Variants in TMEM117 observed in about 807,000 individuals in gnomAD.
TMEM117 encodes the protein transmembrane protein 117.
Under a neutral mutation model 52.4 loss-of-function variants are expected in TMEM117, and 27 were observed. That is an observed-to-expected ratio of 0.51 (90% CI 0.38 to 0.71). The LOEUF (loss-of-function observed/expected upper bound fraction) is 0.71. Ranked by LOEUF, TMEM117 falls within the 30% of genes least tolerant of loss-of-function variation. The pLI, the probability that TMEM117 is intolerant of heterozygous loss-of-function variation, is 0.00. For synonymous variants in TMEM117, 215 were observed against 206.3 expected, an observed-to-expected ratio of 1.04 and a Z score of -0.36; for missense variants, 556 against 630.5, an observed-to-expected ratio of 0.88 and a Z score of 1.26.
At chr12:44,197,548 C>T (rs977345507) in intron 4 of TMEM117, among the ~76,000 whole-genome samples, 1 of 152,084 alleles carries the variant, frequency 6.6e-6, no homozygotes, top group Non-Finnish European at 1.5e-5. Flanking sequence ...GCTTCTTGCT[C>T]AGCAAAACCA....
chr12:43,905,818 T>A lies in TMEM117; in HGVS notation c.278-38392T>A, dbSNP rs752500220. Among the ~76,000 whole-genome samples, 154 of 152,346 alleles carry A rather than the reference T, an allele frequency of 1.0e-3. 1 individual carries two copies. Among genetic ancestry groups the A allele is most frequent in the Non-Finnish European group, 2.0e-3 (139 of 68,036 alleles). On this transcript the variant is annotated intron_variant, in intron 2 of 7. Coordinates refer to ENST00000266534, the MANE Select transcript of TMEM117 (RefSeq NM_032256.3). ...ATCCTTATTTTCTGTTTCCTCCGTG[T>A]TGTGATCCTGTGCTCCCAAATCCCC...
rs576297784 is a variant in TMEM117, at chr12:44,002,912, A to G, written c.410+58570A>G. ...GCTCCCTCCTTTAGGTTCCTCCCCA[A>G]CATGGTCATCACCATGCCCACCTAC... On this transcript the variant is annotated intron_variant, in intron 3 of 7. Transcript: ENST00000266534. 2.6e-4 allele frequency among the ~76,000 whole-genome samples: 40 copies of G among 152,238 alleles called. 1 individual carries two copies. The South Asian group carries it at 8.3e-3, about 32-fold the overall frequency.
intron 3 of TMEM117, among the ~76,000 whole-genome samples, chr12:44,000,996 C>G (rs1565787229): frequency 6.6e-6 from 1 of 152,122 alleles, no homozygotes. Flanking sequence ...TGCAAGGGCC[C>G]AGAAAAGCAG....
chr12:44,241,412 G>A (rs912086913), intron 5 of TMEM117, among the ~76,000 whole-genome samples: 1 of 151,412 alleles, frequency 6.6e-6, no homozygotes, highest in East Asian at 1.9e-4. Flanking sequence ...ATTCCTTGTT[G>A]TTTTAATTTG....
chr12:44,343,700 G>T (rs1951447143), intron 6 of TMEM117, among the ~76,000 whole-genome samples: 1 of 152,122 alleles, frequency 6.6e-6, no homozygotes, highest in Admixed American at 6.6e-5. Flanking sequence ...ACTTAAAAAT[G>T]ATTAAGATGG....
intron 6 of TMEM117, among the ~76,000 whole-genome samples, chr12:44,365,752 T>G (rs1284813584): frequency 6.7e-6 from 1 of 149,268 alleles, no homozygotes; most frequent in Non-Finnish European, 1.5e-5. Context: ...GGATTTTCTT[T>G]TATTATTATT....
intron 6 of TMEM117, among the ~76,000 whole-genome samples, chr12:44,366,666 C>G (rs1276569036): frequency 6.6e-6 from 1 of 152,060 alleles, no homozygotes; most frequent in African/African-American, 2.4e-5. Flanking sequence ...GTTTTACTTT[C>G]TGTTACATAT....
intron 4 of TMEM117, among the ~76,000 whole-genome samples, chr12:44,177,671 T>G (rs1288285695): frequency 1.3e-5 from 2 of 152,194 alleles, no homozygotes; most frequent in Non-Finnish European, 2.9e-5. Flanking sequence ...TATAAAGTGG[T>G]TACTGATTTG....
At chr12:44,069,980 C>G (rs1947277150) in intron 3 of TMEM117, among the ~76,000 whole-genome samples, 1 of 152,162 alleles carries the variant, frequency 6.6e-6, no homozygotes, top group African/African-American at 2.4e-5. Flanking sequence ...ACCTCTGCCT[C>G]CCAGGCTCAA....
At chr12:43,976,327 T>G (rs559743372) in intron 3 of TMEM117, among the ~76,000 whole-genome samples, 1 of 152,242 alleles carries the variant, frequency 6.6e-6, no homozygotes, top group African/African-American at 2.4e-5. Context: ...ATGAAAGGAT[T>G]TCTCAGACAC....
intron 3 of TMEM117, among the ~76,000 whole-genome samples, chr12:43,969,428 CAGAGAA>C (rs1945542863): frequency 6.7e-6 from 1 of 149,680 alleles, no homozygotes; most frequent in Admixed American, 6.7e-5. Context: ...AAAGCTAAGG[CAGAGAA>C]TTGCTTGAAC....
chr12:43,952,261 C>A (rs1945236914), intron 3 of TMEM117, among the ~76,000 whole-genome samples: 1 of 152,088 alleles, frequency 6.6e-6, no homozygotes, highest in Admixed American at 6.5e-5. Context: ...ATCTCTCCAG[C>A]AACAGCACAG....
At chr12:44,364,829 C>T (rs1354855102) in intron 6 of TMEM117, among the ~76,000 whole-genome samples, 2 of 152,048 alleles carry the variant, frequency 1.3e-5, no homozygotes, top group Non-Finnish European at 2.9e-5. Context: ...TAATGATATG[C>T]ACAGCCGCAG....
chr12:44,287,578 T>G (rs1950653301), intron 5 of TMEM117, among the ~76,000 whole-genome samples: 1 of 152,182 alleles, frequency 6.6e-6, no homozygotes, highest in African/African-American at 2.4e-5. Flanking sequence ...TCAGCTTTAC[T>G]TTTCAATGTT....
chr12:43,989,541 G>A (rs1945904123), intron 3 of TMEM117, among the ~76,000 whole-genome samples: 1 of 152,008 alleles, frequency 6.6e-6, no homozygotes. Context: ...ATCTGTGAAA[G>A]CAGAGTAACA....
intron 3 of TMEM117, among the ~76,000 whole-genome samples, chr12:44,051,918 A>G (rs1006688778): frequency 6.6e-6 from 1 of 152,218 alleles, no homozygotes; most frequent in Non-Finnish European, 1.5e-5. Flanking sequence ...GCAAGTCAAC[A>G]TGATGCATTA....
chr12:43,882,182 G>A (rs1222036825), intron 2 of TMEM117, among the ~76,000 whole-genome samples: 1 of 152,144 alleles, frequency 6.6e-6, no homozygotes, highest in Admixed American at 6.5e-5. Context: ...CTCTTGCACA[G>A]TACTTCTCTA....
chr12:44,373,102 A>G (rs1213499177), intron 6 of TMEM117, among the ~76,000 whole-genome samples: 1 of 152,240 alleles, frequency 6.6e-6, no homozygotes, highest in African/African-American at 2.4e-5. Flanking sequence ...CAGGTGCTCC[A>G]TAATTTATAA....
At chr12:44,067,224 A>G (rs908457213) in intron 3 of TMEM117, among the ~76,000 whole-genome samples, 6 of 152,174 alleles carry the variant, frequency 3.9e-5, no homozygotes, top group Non-Finnish European at 7.4e-5. Context: ...GAGCCCCTCA[A>G]AGCCATCCAC....
Sources: allele counts gnomAD v4.1 joint callset (sites outside exome capture counted in the v4.1 genomes callset), GRCh38; gene constraint gnomAD v4.1.1; transcripts MANE v1.5; gene names NCBI Gene and HGNC (gene_info 2026-07-23, HGNC 2026-07-21).